Variants in ZBTB20 observed in about 807,000 individuals in gnomAD.
ZBTB20 encodes zinc finger and BTB domain-containing protein 20.
In ZBTB20, 9 loss-of-function variants were observed where a neutral mutation model predicts 56.9. The ratio of observed to expected loss-of-function variants is 0.16; its 90% CI spans 0.10 to 0.28. The LOEUF is 0.28. Ranked by LOEUF, ZBTB20 falls within the 10% of genes least tolerant of loss-of-function variation. The pLI, the probability that ZBTB20 is intolerant of heterozygous loss-of-function variation, is 1.00. For missense variants in ZBTB20, 655 were observed against 1,003.0 expected, an observed-to-expected ratio of 0.65 and a Z score of 4.69; for synonymous variants, 417 against 420.7, an observed-to-expected ratio of 0.99 and a Z score of 0.11.
intron 5 of ZBTB20, chr3:114,710,189 A>T (rs1223444624): frequency 6.6e-6 from 1 of 152,198 alleles, no homozygotes; most frequent in African/African-American, 2.4e-5. Context: ...TATATCAGGG[A>T]ATTTTAAAAA....
intron 1 of ZBTB20, among the ~76,000 whole-genome samples, chr3:115,075,536 T>A (rs143799843): frequency 6.6e-6 from 1 of 152,178 alleles, no homozygotes; most frequent in African/African-American, 2.4e-5. Flanking sequence ...TAGAAGGACA[T>A]TTAGGTTGTT....
chr3:114,956,704 G>A (rs1360994840), intron 3 of ZBTB20, among the ~76,000 whole-genome samples: 3 of 152,098 alleles, frequency 2.0e-5, no homozygotes, highest in East Asian at 1.9e-4. Flanking sequence ...ATACAACTAC[G>A]ATAAATTGGG....
intron 3 of ZBTB20, among the ~76,000 whole-genome samples, chr3:114,957,233 T>C (rs774783127): frequency 2.0e-5 from 3 of 152,182 alleles, no homozygotes; most frequent in Non-Finnish European, 2.9e-5. Context: ...TCTAAAACAG[T>C]GTTTCTCAAA....
intron 6 of ZBTB20, among the ~76,000 whole-genome samples, chr3:114,586,927 A>G (rs1225301289): frequency 6.6e-6 from 1 of 151,806 alleles, no homozygotes; most frequent in African/African-American, 2.4e-5. Flanking sequence ...TATTCTTTCT[A>G]CAATTTTACA....
At chr3:114,849,068 T>C (rs949416686) in intron 4 of ZBTB20, among the ~76,000 whole-genome samples, 1 of 152,222 alleles carries the variant, frequency 6.6e-6, no homozygotes, top group Non-Finnish European at 1.5e-5. Context: ...TTCATACATT[T>C]TCAAAATATT....
At chr3:115,089,877 A>G (rs2083124155) in intron 1 of ZBTB20, among the ~76,000 whole-genome samples, 1 of 151,840 alleles carries the variant, frequency 6.6e-6, no homozygotes, top group African/African-American at 2.4e-5. Flanking sequence ...AACTTTTCTT[A>G]TATAGCAGTA....
chr3:115,014,548 CCTA>C (rs2079862285), intron 2 of ZBTB20, among the ~76,000 whole-genome samples: 1 of 151,334 alleles, frequency 6.6e-6, no homozygotes, highest in South Asian at 2.1e-4. Context: ...AATATATATA[CCTA>C]CTAAGTATCC....
intron 6 of ZBTB20, among the ~76,000 whole-genome samples, chr3:114,602,877 T>C (rs2056868893): frequency 6.6e-6 from 1 of 152,048 alleles, no homozygotes; most frequent in African/African-American, 2.4e-5. Flanking sequence ...TATTTTTTCT[T>C]CCTGTTACTG....
chr3:114,971,696 T>G (rs1361809574), intron 3 of ZBTB20, among the ~76,000 whole-genome samples: 3 of 152,176 alleles, frequency 2.0e-5, no homozygotes, highest in African/African-American at 7.2e-5. Flanking sequence ...TACAGGCACA[T>G]AAATGCAGGT....
At chr3:114,676,286 T>C (rs998662537) in intron 6 of ZBTB20, among the ~76,000 whole-genome samples, 1 of 152,176 alleles carries the variant, frequency 6.6e-6, no homozygotes, top group Non-Finnish European at 1.5e-5. Context: ...AATATGAGGG[T>C]TTACTGCCAC....
intron 4 of ZBTB20, among the ~76,000 whole-genome samples, chr3:114,857,194 T>C (rs888797144): frequency 1.3e-5 from 2 of 152,220 alleles, no homozygotes; most frequent in Non-Finnish European, 2.9e-5. Context: ...AGGTTTATCC[T>C]AAATCTTGAC....
intron 6 of ZBTB20, among the ~76,000 whole-genome samples, chr3:114,603,236 A>T (rs1339648677): frequency 6.6e-6 from 1 of 151,926 alleles, no homozygotes; most frequent in Non-Finnish European, 1.5e-5. Context: ...TAAAATCCAG[A>T]TTGTTCATTT....
chr3:114,436,973 A>G (rs1353145717), intron 7 of ZBTB20, among the ~76,000 whole-genome samples: 1 of 152,214 alleles, frequency 6.6e-6, no homozygotes, highest in Non-Finnish European at 1.5e-5. Flanking sequence ...AGATGCAAAC[A>G]TACCACGGAG....
intron 5 of ZBTB20, among the ~76,000 whole-genome samples, chr3:114,696,940 T>C (rs1349879469): frequency 2.0e-5 from 3 of 151,976 alleles, no homozygotes; most frequent in African/African-American, 7.2e-5. Context: ...AAACTATTCC[T>C]TCTTAAATAA....
chr3:115,013,880 A>G (rs1274434017), intron 2 of ZBTB20, among the ~76,000 whole-genome samples: 1 of 150,864 alleles, frequency 6.6e-6, no homozygotes, highest in East Asian at 2.0e-4. Context: ...AACTAAAAAC[A>G]TCTACCATAA....
chr3:114,861,422 T>G (rs145746224), intron 4 of ZBTB20, among the ~76,000 whole-genome samples: 53 of 152,248 alleles, frequency 3.5e-4, no homozygotes, highest in African/African-American at 8.9e-4. Context: ...ATACTTAAAA[T>G]TTAAAAATTT....
At chr3:114,532,598 A>C (rs998384013) in intron 6 of ZBTB20, among the ~76,000 whole-genome samples, 1 of 152,208 alleles carries the variant, frequency 6.6e-6, no homozygotes, top group Non-Finnish European at 1.5e-5. Flanking sequence ...GCCAGCTCTG[A>C]AGAGAGCAGC....
At chr3:114,793,144 T>A (rs1272176935) in intron 5 of ZBTB20, among the ~76,000 whole-genome samples, 2 of 152,048 alleles carry the variant, frequency 1.3e-5, no homozygotes, top group African/African-American at 4.8e-5. Flanking sequence ...CCTCCCAAAG[T>A]GACGGGATTA....
At chr3:114,854,458 T>G (rs1477161930) in intron 4 of ZBTB20, among the ~76,000 whole-genome samples, 2 of 152,172 alleles carry the variant, frequency 1.3e-5, no homozygotes, top group Non-Finnish European at 2.9e-5. Flanking sequence ...AAACACTTTC[T>G]GTTTTCCCGC....
Sources: allele counts gnomAD v4.1 joint callset (sites outside exome capture counted in the v4.1 genomes callset), GRCh38; gene constraint gnomAD v4.1.1; transcripts MANE v1.5; gene names NCBI Gene and HGNC (gene_info 2026-07-23, HGNC 2026-07-21).